The following INPP5F variants were observed in gnomAD, a reference collection of about 807,000 sequenced individuals.
INPP5F encodes phosphatidylinositide 4-phosphatase SAC2.
Under a neutral mutation model 137.2 loss-of-function variants are expected in INPP5F, and 97 were observed. That is an observed-to-expected ratio of 0.71 (90% CI 0.60 to 0.84). The LOEUF is 0.84. INPP5F is among the 40% of genes least tolerant of loss of function. The pLI is 0.00. For missense variants in INPP5F, 1,271 were observed against 1,371.9 expected, an observed-to-expected ratio of 0.93 and a Z score of 1.16; for synonymous variants, 504 against 476.9, an observed-to-expected ratio of 1.06 and a Z score of -0.74.
At chr10:119,763,237 C>T (rs1362274633) in intron 2 of INPP5F, among the ~76,000 whole-genome samples, 2 of 152,188 alleles carry the variant, frequency 1.3e-5, no homozygotes, top group Non-Finnish European at 2.9e-5. Context: ...AGGCCCACTG[C>T]GGTAGAGGTT....
At chr10:119,804,353 T>C in intron 10 of INPP5F, 56 bp downstream of exon 10, 1 of 1,391,986 alleles carries the variant, frequency 7.2e-7, no homozygotes, top group Non-Finnish European at 9.6e-7. Context: ...TGGTAGATGC[T>C]GCCACAGGGA....
At chr10:119,760,303 G>T (rs569447988) in intron 2 of INPP5F, among the ~76,000 whole-genome samples, 44 of 152,282 alleles carry the variant, frequency 2.9e-4, no homozygotes, top group Middle Eastern at 6.8e-3. Context: ...GCTGGGTGCA[G>T]TGGCGCGTGC....
chr10:119,822,407 T>G lies in INPP5F; in HGVS notation c.1959-24T>G, dbSNP rs775091298. ...ATATGCTTTTGATTTAAATCCTCTT[T>G]TAACTTCATTTCCTTTTATCTAGTT... is the stretch of plus-strand genomic sequence containing the variant. On this transcript the variant is annotated intron_variant, in intron 16 of 19. Transcript: ENST00000650623. 3.9e-6 allele frequency: 5 copies of G among 1,294,532 alleles called. No homozygotes were observed. In the African/African-American group the frequency reaches 4.5e-5, roughly 12 times the overall value. 80.2% of individuals were successfully genotyped at this position (1,294,532 alleles called of 1,614,324 possible).
intron 15 of INPP5F, chr10:119,819,492 TGAC>T: frequency 6.2e-7 from 1 of 1,604,688 alleles, no homozygotes; most frequent in South Asian, 1.1e-5. Flanking sequence ...AAATGTGTCA[TGAC>T]GTAATTTTTA....
At chr10:119,745,380 T>C (rs1034882108) in intron 1 of INPP5F, among the ~76,000 whole-genome samples, 1 of 151,984 alleles carries the variant, frequency 6.6e-6, no homozygotes, top group Admixed American at 6.6e-5. Context: ...TCTCTTTTTT[T>C]CCATGACCTT....
At chr10:119,794,304 A>G (rs1264327929) in intron 6 of INPP5F, among the ~76,000 whole-genome samples, 4 of 152,208 alleles carry the variant, frequency 2.6e-5, no homozygotes, top group Admixed American at 2.6e-4. Flanking sequence ...GAGTGGATAC[A>G]GCACATGTTT....
In INPP5F at chr10:119,802,695, G is replaced by C. The variant is rs191195416; in HGVS notation, c.1117-1478G>C. ...GCATTTTATATATTTTGGGATACTT[G>C]TATGTTTTATAGAATAAATTTATGG... is the stretch of plus-strand genomic sequence containing the variant. On this transcript the variant is annotated intron_variant, in intron 9 of 19. Transcript: ENST00000650623. Among the ~76,000 whole-genome samples, 124 of 152,196 alleles carry C rather than the reference G, an allele frequency of 8.1e-4. 1 individual carries two copies. The highest frequency in any genetic ancestry group is 2.2e-4 in the Non-Finnish European group (15 of 68,004).
intron 3 of INPP5F, among the ~76,000 whole-genome samples, chr10:119,782,754 C>T (rs1849750714): frequency 6.6e-6 from 1 of 152,144 alleles, no homozygotes; most frequent in Non-Finnish European, 1.5e-5. Flanking sequence ...GAGGTGGGGC[C>T]TGGATCTAGA....
intron 2 of INPP5F, among the ~76,000 whole-genome samples, chr10:119,764,645 G>C (rs749879339): frequency 1.7e-4 from 26 of 150,124 alleles, no homozygotes; most frequent in African/African-American, 5.4e-4. Context: ...GCAGTGGTGC[G>C]ACCTCGGCTC....
At chr10:119,771,861 T>G (rs1228714454) in intron 2 of INPP5F, among the ~76,000 whole-genome samples, 4 of 11,418 alleles carry the variant, frequency 3.5e-4, no homozygotes, top group Admixed American at 8.8e-4. Flanking sequence ...TATATATATA[T>G]ATATATATAT....
At chr10:119,812,928 A>G (rs1252643542) in intron 15 of INPP5F, among the ~76,000 whole-genome samples, 1 of 152,224 alleles carries the variant, frequency 6.6e-6, no homozygotes, top group East Asian at 1.9e-4. Flanking sequence ...AAAAAAAAAA[A>G]AAAGAGTACT....
At chr10:119,807,111 A>T (rs1315957649) in intron 12 of INPP5F, among the ~76,000 whole-genome samples, 1 of 151,908 alleles carries the variant, frequency 6.6e-6, no homozygotes, top group Non-Finnish European at 1.5e-5. Flanking sequence ...TGTCTACTAA[A>T]ATCCCGTCCC....
chr10:119,741,774 A>G (rs1451761312), intron 1 of INPP5F, among the ~76,000 whole-genome samples: 1 of 151,786 alleles, frequency 6.6e-6, no homozygotes, highest in East Asian at 1.9e-4. Context: ...ACCTCAGGTG[A>G]TGCACCCACC....
chr10:119,804,868 G>A (rs565247881), intron 10 of INPP5F, among the ~76,000 whole-genome samples: 9 of 151,918 alleles, frequency 5.9e-5, no homozygotes, highest in Admixed American at 5.2e-4. Flanking sequence ...CTGGGACTAC[G>A]GCACGCTCCA....
At chr10:119,821,998 C>T (rs909105651) in intron 16 of INPP5F, among the ~76,000 whole-genome samples, 15 of 149,966 alleles carry the variant, frequency 1.0e-4, no homozygotes, top group African/African-American at 3.4e-4. Context: ...TCAAGTGATT[C>T]TCCTGCTTCA....
intron 1 of INPP5F, among the ~76,000 whole-genome samples, chr10:119,746,444 G>C (rs1433888456): frequency 6.6e-6 from 1 of 152,120 alleles, no homozygotes; most frequent in Non-Finnish European, 1.5e-5. Flanking sequence ...TCCTTAGCAG[G>C]GGCATCTGTG....
chr10:119,735,831 C>A (rs1310341186), intron 1 of INPP5F, among the ~76,000 whole-genome samples: 1 of 152,168 alleles, frequency 6.6e-6, no homozygotes, highest in Non-Finnish European at 1.5e-5. Flanking sequence ...CAAATTACAT[C>A]GCCTAAAATT....
At chr10:119,804,938 G>A (rs569798152) in intron 10 of INPP5F, among the ~76,000 whole-genome samples, 54 of 152,234 alleles carry the variant, frequency 3.5e-4, no homozygotes, top group African/African-American at 1.3e-3. Context: ...TGTTGGCCAG[G>A]CTGGTCTCAA....
At chr10:119,769,957 G>A (rs540515761) in intron 2 of INPP5F, among the ~76,000 whole-genome samples, 14 of 142,328 alleles carry the variant, frequency 9.8e-5, no homozygotes, top group South Asian at 2.1e-4. Context: ...CTAGAGAACC[G>A]TAATGCAGGA....
Sources: allele counts gnomAD v4.1 joint callset (sites outside exome capture counted in the v4.1 genomes callset), GRCh38; gene constraint gnomAD v4.1.1; transcripts MANE v1.5; gene names NCBI Gene and HGNC (gene_info 2026-07-23, HGNC 2026-07-21).